Variants in SRD5A2 observed in about 807,000 individuals in gnomAD.
SRD5A2 encodes steroid 5 alpha-reductase 2, also known as 3-oxo-5-alpha-steroid 4-dehydrogenase 2.
SRD5A2 carries 30 observed loss-of-function variants against 27.4 expected under a neutral mutation model. The observed-to-expected ratio is 1.10, with a 90% CI of 0.82 to 1.49. The LOEUF (loss-of-function observed/expected upper bound fraction) is 1.49. SRD5A2 is among the 40% of genes most tolerant of loss of function. The pLI is 0.00. For synonymous variants in SRD5A2, 141 were observed against 133.6 expected, an observed-to-expected ratio of 1.06 and a Z score of -0.38; for missense variants, 348 against 323.4, an observed-to-expected ratio of 1.08 and a Z score of -0.58.
chr2:31,606,934 C>T, the SRD5A2 span, among the ~76,000 whole-genome samples: 2 of 151,950 alleles, frequency 1.3e-5, no homozygotes, highest in African/African-American at 4.8e-5. Flanking sequence ...GATGGATAAT[C>T]TTTCACATGC....
chr2:31,606,660 T>A, the SRD5A2 span, among the ~76,000 whole-genome samples: 534 of 152,052 alleles, frequency 3.5e-3, 1 homozygote, highest in African/African-American at 0.012. Context: ...TCATTACCCA[T>A]GTGACTGAAC....
the SRD5A2 span, among the ~76,000 whole-genome samples, chr2:31,623,068 T>G: frequency 6.6e-6 from 1 of 152,052 alleles, no homozygotes; most frequent in African/African-American, 2.4e-5. Flanking sequence ...GTTGTCAACT[T>G]CTGATTGCCG....
chr2:31,594,755 A>G, the SRD5A2 span, among the ~76,000 whole-genome samples: 9 of 152,312 alleles, frequency 5.9e-5, no homozygotes, highest in Admixed American at 5.9e-4. Flanking sequence ...CAGAATATAC[A>G]TTCTTTTCAT....
rs147090962 is a variant in SRD5A2, at chr2:31,554,969, ATGTG to A, written c.282-21207_282-21204del. On this transcript the variant is annotated intron_variant, in intron 1 of 4. Transcript: ENST00000622030. ...TGTGTGTGTGTGTGTGTGTGTGTGT[ATGTG>A]TGTGTGTGTGTTACCGCCAGGCCAG... is the stretch of plus-strand genomic sequence containing the variant. Among the ~76,000 whole-genome samples the A allele has an allele frequency of 6.4e-3, 634 of 99,060 alleles. 7 individuals are homozygous for A. The highest frequency in any genetic ancestry group is 9.6e-3 in the Non-Finnish European group (463 of 48,186). 65.0% of individuals were successfully genotyped at this position (99,060 alleles called of 152,430 possible).
intron 1 of SRD5A2, among the ~76,000 whole-genome samples, chr2:31,563,990 AAC>A (rs1666678542): frequency 6.6e-6 from 1 of 152,102 alleles, no homozygotes; most frequent in Non-Finnish European, 1.5e-5. Flanking sequence ...TATTTATAGA[AAC>A]ACAAAAATAT....
At chr2:31,554,654 T>C (rs1355365927) in intron 1 of SRD5A2, among the ~76,000 whole-genome samples, 1 of 152,188 alleles carries the variant, frequency 6.6e-6, no homozygotes, top group Non-Finnish European at 1.5e-5. Flanking sequence ...CCTTCTAAGG[T>C]GGCGGATAAG....
At chr2:31,559,503 A>T (rs920529877) in intron 1 of SRD5A2, among the ~76,000 whole-genome samples, 2 of 152,170 alleles carry the variant, frequency 1.3e-5, no homozygotes, top group Non-Finnish European at 2.9e-5. Context: ...TATTCTTTGA[A>T]TATTTTAACA....
the SRD5A2 span, among the ~76,000 whole-genome samples, chr2:31,658,150 C>T: frequency 6.6e-6 from 1 of 151,990 alleles, no homozygotes; most frequent in Non-Finnish European, 1.5e-5. Flanking sequence ...ACAATTAAGG[C>T]AGAAATCAAA....
At chr2:31,559,553 A>T (rs181452960) in intron 1 of SRD5A2, among the ~76,000 whole-genome samples, 78 of 152,304 alleles carry the variant, frequency 5.1e-4, no homozygotes, top group Non-Finnish European at 9.6e-4. Context: ...TTGTATTTCA[A>T]TTTTATTTTA....
At chr2:31,638,116 A>G in the SRD5A2 span, among the ~76,000 whole-genome samples, 1 of 151,906 alleles carries the variant, frequency 6.6e-6, no homozygotes, top group African/African-American at 2.4e-5. Context: ...ATAGATTTTG[A>G]TATGTTGCAT....
the SRD5A2 span, among the ~76,000 whole-genome samples, chr2:31,644,604 C>T: frequency 6.6e-6 from 1 of 152,206 alleles, no homozygotes; most frequent in Non-Finnish European, 1.5e-5. Context: ...GTGATGCTCT[C>T]TGGCCTGCGG....
the SRD5A2 span, among the ~76,000 whole-genome samples, chr2:31,591,583 C>T: frequency 1.3e-5 from 2 of 151,990 alleles, no homozygotes; most frequent in Non-Finnish European, 2.9e-5. Flanking sequence ...AATCCCATTA[C>T]TGGGTATACA....
At chr2:31,540,059 G>A (rs1666099272) in intron 1 of SRD5A2, among the ~76,000 whole-genome samples, 1 of 152,108 alleles carries the variant, frequency 6.6e-6, no homozygotes, top group South Asian at 2.1e-4. Flanking sequence ...GAAAAATGTG[G>A]CATTACGGGA....
intron 1 of SRD5A2, among the ~76,000 whole-genome samples, chr2:31,545,438 A>T (rs1221323164): frequency 1.3e-5 from 2 of 152,152 alleles, no homozygotes; most frequent in African/African-American, 4.8e-5. Context: ...AAAATCAATC[A>T]GTGTAATCCA....
chr2:31,569,684 A>C lies in SRD5A2; in HGVS notation c.281+10936T>G, dbSNP rs539236237. ...CATGCAAAAAACAAAAAACAAAAAA[A>C]AAAAAACACAACAAAAAAACTTTGA... On this transcript the variant is annotated intron_variant, in intron 1 of 4. Transcript: ENST00000622030. Among the ~76,000 whole-genome samples, 21 of 152,012 alleles carry C rather than the reference A, an allele frequency of 1.4e-4. No individual in the cohort carries two copies. The East Asian group carries it at 2.5e-3, about 18-fold the overall frequency.
chr2:31,618,012 T>C, the SRD5A2 span, among the ~76,000 whole-genome samples: 1 of 152,210 alleles, frequency 6.6e-6, no homozygotes, highest in Admixed American at 6.5e-5. Context: ...GATAAAGACA[T>C]ACCTGAAACT....
chr2:31,528,017 A>G (rs1398905559), intron 4 of SRD5A2, among the ~76,000 whole-genome samples: 2 of 152,198 alleles, frequency 1.3e-5, no homozygotes, highest in Non-Finnish European at 2.9e-5. Context: ...TACACTTGGC[A>G]AGTTAAAGCC....
the SRD5A2 span, among the ~76,000 whole-genome samples, chr2:31,623,194 A>G: frequency 6.6e-6 from 1 of 152,054 alleles, no homozygotes; most frequent in Non-Finnish European, 1.5e-5. Context: ...GATGTTGCAA[A>G]TTGTCTCTAA....
At chr2:31,581,115 G>A (rs61748131), upstream of SRD5A2, 27 of 572,472 alleles carry the variant, frequency 4.7e-5, no homozygotes, top group East Asian at 1.2e-4. Flanking sequence ...GGAGGAGAAC[G>A]AAGGCCTTCT....
Sources: gnomAD v4.1 joint callset for allele counts (sites outside exome capture counted in the v4.1 genomes callset) on GRCh38, gnomAD v4.1.1 for gene constraint, MANE v1.5 for transcripts, NCBI Gene and HGNC (gene_info 2026-07-23, HGNC 2026-07-21) for gene names.